Variants in SLIT2 observed in about 807,000 individuals in gnomAD.
SLIT2 encodes slit homolog 2 protein.
SLIT2 carries 41 observed loss-of-function variants against 185.7 expected under a neutral mutation model. The observed-to-expected ratio is 0.22, with a 90% CI of 0.17 to 0.29. The LOEUF is 0.29. SLIT2 is among the 10% of genes least tolerant of loss of function. The pLI, the probability that SLIT2 is intolerant of heterozygous loss-of-function variation, is 1.00. For synonymous variants in SLIT2, 693 were observed against 680.2 expected (o/e 1.02, Z -0.29); for missense variants, 1,571 against 1,909.0 (o/e 0.82, Z 3.30).
At chr4:20,567,692 TC>T (rs1298496537) in intron 28 of SLIT2, 77 bp downstream of exon 28, 2 of 1,147,638 alleles carry the variant, frequency 1.7e-6, no homozygotes, top group African/African-American at 3.0e-5. Flanking sequence ...ATTTTCCTTT[TC>T]AAATCAAAGG....
At position 20,610,563 on chromosome 4, in the gene SLIT2, T is replaced by C. The variant is rs546350119; in HGVS notation, c.3847+396T>C. 1.2e-4 allele frequency among the ~76,000 whole-genome samples: 18 copies of C among 152,192 alleles called. No individual in the cohort carries two copies. In the South Asian group the frequency reaches 2.7e-3, roughly 23 times the overall value. ...AACAAGCTTAATGCAAACTGGAAAG[T>C]AGATGACCCCACCCCAGCTCCCTTA... On this transcript the variant is annotated intron_variant, in intron 34 of 36. Coordinates refer to ENST00000504154, the MANE Select transcript of SLIT2 (RefSeq NM_004787.4).
chr4:20,523,611 C>T (rs1433530930), intron 12 of SLIT2, 149 bp from the exon 13 acceptor site: 1 of 656,210 alleles, frequency 1.5e-6, no homozygotes, highest in South Asian at 1.9e-5. Context: ...CATCTCTAGC[C>T]TCTAATTCCT....
chr4:20,335,015 A>G (rs922477329), intron 4 of SLIT2, among the ~76,000 whole-genome samples: 1 of 152,202 alleles, frequency 6.6e-6, no homozygotes, highest in Non-Finnish European at 1.5e-5. Flanking sequence ...TAAATTAAAT[A>G]CTAGAACTTT....
chr4:20,559,955 G>A (rs1413084478), intron 26 of SLIT2, among the ~76,000 whole-genome samples: 1 of 151,762 alleles, frequency 6.6e-6, no homozygotes, highest in African/African-American at 2.4e-5. Flanking sequence ...AAAATGGATT[G>A]GTAGAAGGCC....
At chr4:20,585,054 C>CA (rs763868028) in intron 29 of SLIT2, among the ~76,000 whole-genome samples, 60 of 150,608 alleles carry the variant, frequency 4.0e-4, no homozygotes, top group East Asian at 9.7e-4. Context: ...GACTCTATCT[C>CA]AAAAAAAACA....
intron 29 of SLIT2, among the ~76,000 whole-genome samples, chr4:20,570,475 G>A (rs900631877): frequency 6.6e-5 from 10 of 151,692 alleles, no homozygotes; most frequent in Admixed American, 6.6e-4. Flanking sequence ...TAACTTCATT[G>A]GATGGGCTAA....
chr4:20,442,650 C>T lies in SLIT2; in HGVS notation c.396-25102C>T, dbSNP rs1252242057. Among the ~76,000 whole-genome samples, 4 of 151,718 alleles carry T rather than the reference C, an allele frequency of 2.6e-5. No homozygotes were observed. In the East Asian group the frequency reaches 7.8e-4, roughly 30 times the overall value. Reference sequence around the variant, plus strand: ...GACTTTGAAAGCAGCATAGGAATGTCGTGATGTTACTCTCAGTGAGTAACA... The same window carrying T: ...GACTTTGAAAGCAGCATAGGAATGTTGTGATGTTACTCTCAGTGAGTAACA... On this transcript the variant is annotated intron_variant, in intron 4 of 36. Coordinates refer to ENST00000504154, the MANE Select transcript of SLIT2 (RefSeq NM_004787.4).
intron 9 of SLIT2, among the ~76,000 whole-genome samples, chr4:20,496,622 G>T (rs1488278676): frequency 2.6e-5 from 4 of 152,154 alleles, no homozygotes; most frequent in African/African-American, 7.2e-5. Context: ...ATCGTATTTT[G>T]TAATTATATA....
intron 4 of SLIT2, among the ~76,000 whole-genome samples, chr4:20,387,056 G>C (rs1724988105): frequency 6.6e-6 from 1 of 152,146 alleles, no homozygotes; most frequent in Non-Finnish European, 1.5e-5. Flanking sequence ...TTACAGGACG[G>C]AATTACCTGA....
chr4:20,480,724 A>T lies in SLIT2; in HGVS notation c.476A>T (p.Asp159Val). The part of the protein sequence containing the change: ...GAVDIKNLQL[D>V]YNQISCIEDG... ...TCTAATCTTTTTAACAGGCAACTGG[A>T]TTACAACCAGATCAGCTGTATTGAA... Residue 159 changes from aspartate (D) to valine (V), a missense_variant, in exon 6 of 37, where the codon GAT (aspartate) becomes GTT (valine). This residue lies in a region of SLIT2 where 1,202 missense variants were observed against 1,416.4 expected (regional missense o/e 0.85). Transcript: ENST00000504154. The T allele has an allele frequency of 6.2e-7, 1 of 1,612,984 alleles. No homozygotes were observed. Among genetic ancestry groups the T allele is most frequent in the East Asian group, 2.2e-5 (1 of 44,856 alleles).
intron 4 of SLIT2, among the ~76,000 whole-genome samples, chr4:20,404,381 A>T (rs531367262): frequency 1.3e-5 from 2 of 152,024 alleles, no homozygotes; most frequent in Non-Finnish European, 2.9e-5. Context: ...CTGAAATAAG[A>T]TATCCCTGAT....
chr4:20,464,983 T>A (rs1714180584), intron 4 of SLIT2, among the ~76,000 whole-genome samples: 1 of 152,230 alleles, frequency 6.6e-6, no homozygotes, highest in African/African-American at 2.4e-5. Flanking sequence ...AATAACAGTA[T>A]GTTGGATTGC....
chr4:20,375,078 G>T (rs1410592916), intron 4 of SLIT2, among the ~76,000 whole-genome samples: 1 of 152,076 alleles, frequency 6.6e-6, no homozygotes, highest in Non-Finnish European at 1.5e-5. Flanking sequence ...ACGTGTGTAT[G>T]TGTATAAGTG....
intron 15 of SLIT2, 113 bp downstream of exon 15, chr4:20,525,285 A>G: frequency 1.2e-6 from 1 of 800,826 alleles, no homozygotes; most frequent in Non-Finnish European, 2.2e-6. Flanking sequence ...TACTCTATAG[A>G]TAGATTGACT....
At chr4:20,318,865 T>C (rs1374132652) in intron 4 of SLIT2, among the ~76,000 whole-genome samples, 1 of 152,200 alleles carries the variant, frequency 6.6e-6, no homozygotes, top group Non-Finnish European at 1.5e-5. Context: ...TGGATTCCAC[T>C]CTGGGGACTT....
At chr4:20,573,133 C>G in intron 29 of SLIT2, 1 of 690,878 alleles carries the variant, frequency 1.4e-6, no homozygotes, top group Non-Finnish European at 2.7e-6. Flanking sequence ...CTCGCCCACC[C>G]CTGCTTCTCT....
At chr4:20,595,918 C>T (rs1221079432) in intron 31 of SLIT2, 84 bp downstream of exon 31, 11 of 1,185,804 alleles carry the variant, frequency 9.3e-6, no homozygotes, top group Non-Finnish European at 1.3e-5. Flanking sequence ...TGTAATCGTA[C>T]ATTTTAAAAT....
intron 4 of SLIT2, among the ~76,000 whole-genome samples, chr4:20,466,897 T>C (rs1560447610): frequency 6.6e-6 from 1 of 152,206 alleles, no homozygotes; most frequent in Admixed American, 6.5e-5. Flanking sequence ...TACTTAAAAC[T>C]AGATGAGAAT....
intron 4 of SLIT2, among the ~76,000 whole-genome samples, chr4:20,292,968 G>C (rs1250484891): frequency 6.6e-6 from 1 of 152,196 alleles, no homozygotes; most frequent in Admixed American, 6.5e-5. Flanking sequence ...TTTCTGAATG[G>C]GGTATCTGCG....
Sources: allele counts gnomAD v4.1 joint callset (sites outside exome capture counted in the v4.1 genomes callset), GRCh38; gene constraint gnomAD v4.1.1; regional missense constraint gnomAD v4.1.1; transcripts MANE v1.5; gene names NCBI Gene and HGNC (gene_info 2026-07-23, HGNC 2026-07-21).